THADA: variants seen among roughly 807,000 people sequenced by gnomAD.
The protein encoded by THADA is THADA armadillo repeat containing, also known as tRNA (32-2'-O)-methyltransferase regulator THADA.
Under a neutral mutation model 219.8 loss-of-function variants are expected in THADA, and 213 were observed. The observed-to-expected ratio is 0.97, with a 90% confidence interval of 0.87 to 1.09. THADA has a LOEUF of 1.09. Among genes scored for constraint, THADA ranks in the 50% least tolerant of loss-of-function variants. The probability of loss-of-function intolerance (pLI) is 0.00; values close to 1 mark genes in which losing one functional copy is unlikely to be tolerated. For synonymous variants in THADA, 1,018 were observed against 828.9 expected, an observed-to-expected ratio of 1.23 and a Z score of -3.92; for missense variants, 2,956 against 2,311.3, an observed-to-expected ratio of 1.28 and a Z score of -5.72.
At position 43,361,142 on chromosome 2, in the gene THADA, G is replaced by C. The variant is rs946755950; in HGVS notation, c.4228-16905C>G. The stretch of plus-strand genomic sequence containing the variant: ...GCACAGGACAACTTCTTACAACCAA[G>C]AATCCAGCCCAAAATGTCAATTGTG... On this transcript the variant is annotated intron_variant, in intron 29 of 37. Coordinates refer to ENST00000405975, the MANE Select transcript of THADA (RefSeq NM_022065.5). Among the ~76,000 whole-genome samples the C allele has an allele frequency of 3.3e-5, 5 of 152,124 alleles. No homozygotes were observed. In the East Asian group the frequency reaches 5.8e-4, roughly 18 times the overall value.
At chr2:43,241,970 C>T (rs1454898122) in intron 36 of THADA, among the ~76,000 whole-genome samples, 6 of 152,254 alleles carry the variant, frequency 3.9e-5, no homozygotes, top group African/African-American at 1.4e-4. Flanking sequence ...TTCCCCCTCC[C>T]TCCAACTCTC....
chr2:43,342,795 C>T (rs1667201087), intron 30 of THADA, among the ~76,000 whole-genome samples: 1 of 152,186 alleles, frequency 6.6e-6, no homozygotes, highest in Admixed American at 6.5e-5. Context: ...ATCCCTATAT[C>T]TCCTAACACA....
chr2:43,487,405 C>T lies in THADA; in HGVS notation c.3745-2080G>A, dbSNP rs542301148. On this transcript the variant is annotated intron_variant, in intron 25 of 37. Coordinates refer to ENST00000405975, the MANE Select transcript of THADA (RefSeq NM_022065.5). ...GTGCCTGGAGATGTTGAGAAATGCA[C>T]ACCTTAAACAAAACTGTAGAGGACT... 3.5e-4 allele frequency among the ~76,000 whole-genome samples: 54 copies of T among 152,278 alleles called. 1 individual carries two copies. Among genetic ancestry groups the T allele is most frequent in the Admixed American group, 2.5e-3 (38 of 15,298 alleles).
chr2:43,263,317 A>G (rs1453012858), intron 36 of THADA, among the ~76,000 whole-genome samples: 1 of 151,624 alleles, frequency 6.6e-6, no homozygotes, highest in Non-Finnish European at 1.5e-5. Flanking sequence ...TTTCTCCTTC[A>G]GCCTACCCTC....
intron 36 of THADA, among the ~76,000 whole-genome samples, chr2:43,240,376 A>G (rs962943614): frequency 6.6e-6 from 1 of 152,162 alleles, no homozygotes; most frequent in Non-Finnish European, 1.5e-5. Context: ...CATTATTTCT[A>G]GTCTTCTCCA....
intron 26 of THADA, among the ~76,000 whole-genome samples, chr2:43,439,648 T>C (rs1047288959): frequency 6.6e-6 from 1 of 152,250 alleles, no homozygotes; most frequent in Admixed American, 6.5e-5. Context: ...TTAGTTATTG[T>C]TGTTAATCTC....
At chr2:43,490,790 T>C (rs1351603052) in intron 25 of THADA, among the ~76,000 whole-genome samples, 1 of 152,146 alleles carries the variant, frequency 6.6e-6, no homozygotes, top group Non-Finnish European at 1.5e-5. Flanking sequence ...CAGGTATGTA[T>C]GTATAGGAAA....
chr2:43,235,211 C>A (rs1390867370), intron 36 of THADA, among the ~76,000 whole-genome samples: 1 of 152,144 alleles, frequency 6.6e-6, no homozygotes, highest in Non-Finnish European at 1.5e-5. Context: ...AACTCCTGAC[C>A]TCAAGTGATT....
intron 26 of THADA, among the ~76,000 whole-genome samples, chr2:43,445,946 T>C (rs1467341014): frequency 1.3e-5 from 2 of 152,106 alleles, no homozygotes; most frequent in Non-Finnish European, 2.9e-5. Context: ...GACAGGGAAG[T>C]GAAAGGTCTT....
intron 22 of THADA, among the ~76,000 whole-genome samples, chr2:43,509,405 T>G (rs1323737973): frequency 6.6e-6 from 1 of 152,208 alleles, no homozygotes; most frequent in Non-Finnish European, 1.5e-5. Context: ...TTTATAAAAT[T>G]TTTAAATGTA....
chr2:43,575,884 G>A (rs1490087651), intron 10 of THADA, among the ~76,000 whole-genome samples: 1 of 152,084 alleles, frequency 6.6e-6, no homozygotes, highest in East Asian at 1.9e-4. Flanking sequence ...GGAGATGGTT[G>A]GGGGAATGGG....
Position 43,231,148 on chromosome 2 carries a change from C to A in THADA, c.5662G>T (p.Glu1888Ter). The change falls in exon 38 of 38, where the codon GAG becomes TAG. Residue 1888 changes from glutamate (E) to a stop codon, truncating the protein, a stop_gained. Coordinates refer to ENST00000405975, the MANE Select transcript of THADA (RefSeq NM_022065.5). LOFTEE classifies it high-confidence loss of function. ...ACAAACTCAGCAGCTGGTGGAAGCT[C>A]TCTGAAGAACTGAGACAGGAGGTGG... ...QCHLLSQFFR[E>*]LPPAAEFVKT... 1 of 1,613,910 alleles carries A rather than the reference C, an allele frequency of 6.2e-7. No homozygotes were observed. Among genetic ancestry groups the A allele is most frequent in the Non-Finnish European group, 8.5e-7 (1 of 1,179,848 alleles).
intron 29 of THADA, among the ~76,000 whole-genome samples, chr2:43,395,525 C>A (rs1263048356): frequency 6.7e-6 from 1 of 150,026 alleles, no homozygotes; most frequent in African/African-American, 2.5e-5. Flanking sequence ...GTAACACAGA[C>A]TAGATTATCT....
chr2:43,412,009 C>A (rs117280343), intron 28 of THADA, among the ~76,000 whole-genome samples: 1 of 152,140 alleles, frequency 6.6e-6, no homozygotes, highest in African/African-American at 2.4e-5. Flanking sequence ...TTAGCTGTGG[C>A]ACAGTTTGAG....
rs59689521 is a variant in THADA at position 43,475,422 on chromosome 2, TAA to T, written c.3836+9810_3836+9811del. 1.5e-3 allele frequency among the ~76,000 whole-genome samples: 152 copies of T among 99,554 alleles called. 1 individual carries two copies. The South Asian group carries it at 0.016, about 11-fold the overall frequency. The allele number at this position is 99,554 out of a possible 152,430, so 65.3% of individuals were successfully genotyped here. On this transcript the variant is annotated intron_variant, in intron 26 of 37. Transcript: ENST00000405975. ...TGGGCGACAGAGCTAGGCCCTGTCT[TAA>T]AAAAAAAAAAAAAAAAAAAAAACCT...
chr2:43,478,147 T>C (rs13405158), intron 26 of THADA, among the ~76,000 whole-genome samples: 25,122 of 152,208 alleles, frequency 0.17, 2,848 homozygotes, highest in African/African-American at 0.32. Context: ...TACTTTTGTA[T>C]ATACCAGGAT....
At chr2:43,546,462 C>A (rs923861012) in intron 20 of THADA, among the ~76,000 whole-genome samples, 1 of 152,082 alleles carries the variant, frequency 6.6e-6, no homozygotes, top group African/African-American at 2.4e-5. Context: ...CTAATGTTGA[C>A]GGTGGGGTGT....
At chr2:43,591,868 C>A (rs1701616462) in intron 3 of THADA, 84 bp downstream of exon 3, 1 of 922,506 alleles carries the variant, frequency 1.1e-6, no homozygotes, top group Non-Finnish European at 1.5e-6. Context: ...TAATTAGGGA[C>A]CAAAAACTGT....
At chr2:43,490,945 G>A (rs77389971) in intron 25 of THADA, among the ~76,000 whole-genome samples, 19,936 of 152,052 alleles carry the variant, frequency 0.13, 1,613 homozygotes, top group African/African-American at 0.23. Context: ...TTAGAATTCT[G>A]TAAGTTATAC....
Sources: gnomAD v4.1 joint callset for allele counts (sites outside exome capture counted in the v4.1 genomes callset) on GRCh38, gnomAD v4.1.1 for gene constraint, MANE v1.5 for transcripts, NCBI Gene and HGNC (gene_info 2026-07-23, HGNC 2026-07-21) for gene names.